The following ULK4 variants were observed in gnomAD, a reference collection of about 807,000 sequenced individuals.
ULK4 encodes the protein inactive serine/threonine-protein kinase ULK4.
In ULK4, 133 loss-of-function variants were observed where a neutral mutation model predicts 160.6. The observed-to-expected ratio is 0.83, with a 90% CI of 0.72 to 0.96. ULK4 has a LOEUF of 0.96. Ranked by LOEUF, ULK4 falls within the 40% of genes least tolerant of loss-of-function variation. The probability of loss-of-function intolerance (pLI) is 0.00; values close to 1 mark genes in which losing one functional copy is unlikely to be tolerated. For missense variants in ULK4, 1,580 were observed against 1,499.5 expected (o/e 1.05, Z -0.89); for synonymous variants, 534 against 539.8 (o/e 0.99, Z 0.15).
In ULK4 at chr3:41,708,048, T is replaced by C. The variant is rs149294043; in HGVS notation, c.2635-2743A>G. 1.5e-4 allele frequency among the ~76,000 whole-genome samples: 23 copies of C among 151,954 alleles called. No homozygotes were observed. The East Asian group carries it at 4.3e-3, about 28-fold the overall frequency. On this transcript the variant is annotated intron_variant, in intron 25 of 36. Transcript: ENST00000301831. ...TGAGGATGTATAGAAAAGGGAACTC[T>C]TGCACACTGTCGGTGGGAATGTAAA...
chr3:41,948,307 T>C (rs1700175520), intron 2 of ULK4, among the ~76,000 whole-genome samples: 1 of 151,954 alleles, frequency 6.6e-6, no homozygotes, highest in African/African-American at 2.4e-5. Flanking sequence ...AAAGATTCAC[T>C]GGGCATGGTA....
chr3:41,389,283 A>T (rs7626144), intron 35 of ULK4, among the ~76,000 whole-genome samples: 1 of 151,932 alleles, frequency 6.6e-6, no homozygotes, highest in Non-Finnish European at 1.5e-5. Flanking sequence ...TGAGACGATG[A>T]GGTTTTCTAG....
chr3:41,511,616 A>T (rs2085580353), intron 32 of ULK4, among the ~76,000 whole-genome samples: 2 of 152,168 alleles, frequency 1.3e-5, no homozygotes, highest in African/African-American at 4.8e-5. Flanking sequence ...GAACAGAGAA[A>T]AGCAAACAGT....
intron 35 of ULK4, among the ~76,000 whole-genome samples, chr3:41,344,496 A>T (rs1052080728): frequency 6.6e-6 from 1 of 152,138 alleles, no homozygotes; most frequent in Non-Finnish European, 1.5e-5. Context: ...TCACACCTGT[A>T]ATCCCAGCAC....
intron 21 of ULK4, among the ~76,000 whole-genome samples, chr3:41,773,899 G>C (rs1297559697): frequency 1.3e-5 from 2 of 152,152 alleles, no homozygotes; most frequent in Non-Finnish European, 2.9e-5. Context: ...ACAGAACAGA[G>C]CCCTCAGAAA....
At chr3:41,755,447 G>C (rs577002463) in intron 21 of ULK4, among the ~76,000 whole-genome samples, 45 of 152,114 alleles carry the variant, frequency 3.0e-4, no homozygotes, top group Non-Finnish European at 5.0e-4. Flanking sequence ...AATTATCAAA[G>C]CCAAATTATT....
At chr3:41,675,502 A>G (rs1271268296) in intron 29 of ULK4, among the ~76,000 whole-genome samples, 1 of 152,108 alleles carries the variant, frequency 6.6e-6, no homozygotes, top group Non-Finnish European at 1.5e-5. Context: ...AGGCAGGAGA[A>G]TCTCTTGAAC....
chr3:41,412,021 G>A (rs191606005), intron 34 of ULK4, among the ~76,000 whole-genome samples: 142 of 152,244 alleles, frequency 9.3e-4, no homozygotes, highest in African/African-American at 2.7e-3. Flanking sequence ...CTTTATTTGC[G>A]TAAGTCTGAT....
chr3:41,550,608 T>C (rs1342047898), intron 32 of ULK4, among the ~76,000 whole-genome samples: 1 of 152,030 alleles, frequency 6.6e-6, no homozygotes, highest in Non-Finnish European at 1.5e-5. Context: ...TAAATGTTTA[T>C]GTACCCAATG....
At chr3:41,433,614 T>C (rs1310479023) in intron 34 of ULK4, among the ~76,000 whole-genome samples, 1 of 152,226 alleles carries the variant, frequency 6.6e-6, no homozygotes, top group Non-Finnish European at 1.5e-5. Flanking sequence ...ATGGGAAATC[T>C]TACTAATTTG....
Position 41,463,106 on chromosome 3 carries a change from A to G in ULK4, c.3374T>C (p.Ile1125Thr), listed in dbSNP as rs560135771. The change falls in exon 33 of 37, where the codon ATT (isoleucine) becomes ACT (threonine). Residue 1125 changes from isoleucine (I) to threonine (T), a missense_variant. Physicochemically the swap from Ile to Thr is moderately conservative, Grantham distance 89. Coordinates refer to ENST00000301831, the MANE Select transcript of ULK4 (RefSeq NM_017886.4). ...LHSMLTYTSG[I>T]VRLALQAQKS... is the part of the protein sequence containing the mutation. ...CTCTACCTGCAAAGCCAGCCGTACAATACCGGAGGTATAGGTCAGCATGCT... is the reference window on the plus strand; with the variant it reads ...CTCTACCTGCAAAGCCAGCCGTACAGTACCGGAGGTATAGGTCAGCATGCT... 2.5e-5 allele frequency: 41 copies of G among 1,613,670 alleles called. No individual in the cohort carries two copies. The Admixed American group carries it at 5.2e-4, about 20-fold the overall frequency.
intron 31 of ULK4, among the ~76,000 whole-genome samples, chr3:41,569,490 C>G (rs1300843522): frequency 6.6e-6 from 1 of 152,092 alleles, no homozygotes; most frequent in Non-Finnish European, 1.5e-5. Flanking sequence ...AGTATCATAC[C>G]AGTGGACCTT....
intron 18 of ULK4, among the ~76,000 whole-genome samples, chr3:41,828,937 C>T (rs2041468881): frequency 6.6e-6 from 1 of 151,368 alleles, no homozygotes; most frequent in Non-Finnish European, 1.5e-5. Context: ...GGTACTGGTA[C>T]CAAAACAGAG....
chr3:41,709,089 C>CAA (rs2037002238), intron 25 of ULK4, among the ~76,000 whole-genome samples: 1 of 151,954 alleles, frequency 6.6e-6, no homozygotes, highest in Non-Finnish European at 1.5e-5. Flanking sequence ...CGTAAGAAAA[C>CAA]AACAATATGT....
intron 30 of ULK4, among the ~76,000 whole-genome samples, chr3:41,624,574 C>T (rs1188927605): frequency 1.3e-5 from 2 of 152,188 alleles, no homozygotes; most frequent in East Asian, 3.9e-4. Context: ...TCCATTCTCA[C>T]ATTCTTCTGA....
At chr3:41,632,288 C>T (rs1045295316) in intron 30 of ULK4, among the ~76,000 whole-genome samples, 8 of 152,120 alleles carry the variant, frequency 5.3e-5, no homozygotes, top group Admixed American at 2.0e-4. Flanking sequence ...CCTACAGATA[C>T]GAACCCAATA....
At chr3:41,948,555 A>G (rs142472981) in intron 2 of ULK4, among the ~76,000 whole-genome samples, 207 of 152,282 alleles carry the variant, frequency 1.4e-3, no homozygotes, top group Non-Finnish European at 2.6e-3. Flanking sequence ...AATTGAATTC[A>G]GCAGTATATT....
At chr3:41,615,570 G>T in intron 31 of ULK4, 99 bp downstream of exon 31, 1 of 1,147,596 alleles carries the variant, frequency 8.7e-7, no homozygotes. Flanking sequence ...CAATCCTTCA[G>T]GGCAGAGGCA....
chr3:41,702,102 T>TA (rs973022408), intron 27 of ULK4, among the ~76,000 whole-genome samples: 7 of 152,274 alleles, frequency 4.6e-5, no homozygotes, highest in African/African-American at 1.2e-4. Flanking sequence ...TAGTTAGAAG[T>TA]AAAAAAACTG....
Sources: allele counts gnomAD v4.1 joint callset (sites outside exome capture counted in the v4.1 genomes callset), GRCh38; gene constraint gnomAD v4.1.1; transcripts MANE v1.5; gene names NCBI Gene and HGNC (gene_info 2026-07-23, HGNC 2026-07-21).